NPR3: variants seen among roughly 807,000 people sequenced by gnomAD.
NPR3 encodes natriuretic peptide receptor 3, also known as atrial natriuretic peptide receptor 3.
Under a neutral mutation model 54.5 loss-of-function variants are expected in NPR3, and 34 were observed. The ratio of observed to expected loss-of-function variants is 0.62; its 90% confidence interval spans 0.47 to 0.83. The LOEUF (loss-of-function observed/expected upper bound fraction) is 0.83. Ranked by LOEUF, NPR3 falls within the 40% of genes least tolerant of loss-of-function variation. The probability of loss-of-function intolerance (pLI) is 0.00; values close to 1 mark genes in which losing one functional copy is unlikely to be tolerated. For missense variants in NPR3, 674 were observed against 720.8 expected (o/e 0.94, Z 0.74); for synonymous variants, 289 against 297.1 (o/e 0.97, Z 0.28).
At chr5:32,716,288 C>G (rs1264202816) in intron 1 of NPR3, 2 of 395,322 alleles carry the variant, frequency 5.1e-6, no homozygotes, top group African/African-American at 2.1e-5. Flanking sequence ...GTTCCTGTCT[C>G]CTACTCTCCA....
Position 32,724,134 on chromosome 5 carries a change from A to T in NPR3, c.770-564A>T, listed in dbSNP as rs73067059. 7.7e-3 allele frequency among the ~76,000 whole-genome samples: 1,179 copies of T among 152,346 alleles called. 12 individuals are homozygous for T. The highest frequency in any genetic ancestry group is 0.027 in the African/African-American group (1,129 of 41,578). On this transcript the variant is annotated intron_variant, in intron 1 of 7. Coordinates refer to ENST00000265074, the MANE Select transcript of NPR3 (RefSeq NM_001204375.2). Reference sequence around the variant, plus strand: ...ACTTTAACACAAACAGAATTCTATTATCTAGTGTATGGAACTTGTTCAAAT... The same window carrying T: ...ACTTTAACACAAACAGAATTCTATTTTCTAGTGTATGGAACTTGTTCAAAT...
chr5:32,745,374 T>C (rs966148040), intron 3 of NPR3, among the ~76,000 whole-genome samples: 2 of 152,176 alleles, frequency 1.3e-5, no homozygotes, highest in African/African-American at 2.4e-5. Context: ...GTGGTTTCTA[T>C]TGGGTTGCCC....
intron 3 of NPR3, among the ~76,000 whole-genome samples, chr5:32,771,090 G>T (rs373090762): frequency 6.6e-6 from 1 of 150,764 alleles, no homozygotes; most frequent in East Asian, 1.9e-4. Flanking sequence ...TAATTTGCAC[G>T]TCGAATTTTC....
chr5:32,778,354 T>C (rs967506985), intron 4 of NPR3, among the ~76,000 whole-genome samples: 4 of 152,064 alleles, frequency 2.6e-5, no homozygotes, highest in African/African-American at 9.7e-5. Context: ...CCTAAAAAGG[T>C]CTCTAAGGTA....
intron 3 of NPR3, among the ~76,000 whole-genome samples, chr5:32,752,362 C>T (rs536641038): frequency 6.6e-6 from 1 of 152,272 alleles, no homozygotes; most frequent in South Asian, 2.1e-4. Flanking sequence ...CACTTCCTGC[C>T]CTCTTGCCTT....
At chr5:32,736,230 C>CAAAAAAAAAAAAAA (rs56211529) in intron 2 of NPR3, among the ~76,000 whole-genome samples, 7 of 65,382 alleles carry the variant, frequency 1.1e-4, no homozygotes, top group Middle Eastern at 7.1e-3. Flanking sequence ...CACTCTGTCT[C>CAAAAAAAAAAAAAA]AAAAAAAAAA....
intron 1 of NPR3, among the ~76,000 whole-genome samples, chr5:32,721,177 A>G (rs1738838918): frequency 6.6e-6 from 1 of 152,218 alleles, no homozygotes. Context: ...GATAATGTGC[A>G]TTATGTGTTT....
At chr5:32,704,036 C>T (rs1348116203) in intron 1 of NPR3, among the ~76,000 whole-genome samples, 1 of 152,248 alleles carries the variant, frequency 6.6e-6, no homozygotes, top group Non-Finnish European at 1.5e-5. Context: ...GTTCCAACCA[C>T]TAGGATGGAT....
At chr5:32,711,037 G>T (rs1427587471), upstream of NPR3, among the ~76,000 whole-genome samples, 1 of 152,100 alleles carries the variant, frequency 6.6e-6, no homozygotes, top group Non-Finnish European at 1.5e-5. Context: ...CGTGGTGGGG[G>T]CTCTTGCCGG....
intron 2 of NPR3, among the ~76,000 whole-genome samples, chr5:32,737,652 T>G (rs995565960): frequency 1.3e-5 from 2 of 152,166 alleles, no homozygotes; most frequent in African/African-American, 2.4e-5. Flanking sequence ...AATAGCTCAT[T>G]GTCAAAAGTT....
intron 2 of NPR3, among the ~76,000 whole-genome samples, chr5:32,727,150 A>G (rs1187395756): frequency 6.6e-6 from 1 of 152,198 alleles, no homozygotes. Context: ...TTTTTGAGAC[A>G]GGATCTCACC....
chr5:32,712,244 G>C lies in NPR3; in HGVS notation c.468G>C (p.Ser156=). The change falls in exon 1 of 8, where the codon TCG becomes TCC. Residue 156 remains serine (S), a synonymous_variant. Coordinates refer to ENST00000265074, the MANE Select transcript of NPR3 (RefSeq NM_001204375.2). ...CGCACTGGGACCTGCCCATGCTGTC[G>C]GCTGGGGCGCTGGCCGCTGGCTTCC... The part of the protein sequence containing the change: ...LASHWDLPML[S]AGALAAGFQH... The C allele has an allele frequency of 1.9e-6, 3 of 1,612,650 alleles. No individual in the cohort carries two copies. The highest frequency in any genetic ancestry group is 2.5e-6 in the Non-Finnish European group (3 of 1,179,606).
At chr5:32,776,855 G>A (rs897258588) in intron 4 of NPR3, among the ~76,000 whole-genome samples, 4 of 152,150 alleles carry the variant, frequency 2.6e-5, no homozygotes, top group Non-Finnish European at 5.9e-5. Context: ...GCTAGAAAAT[G>A]CCAGGCAAGG....
chr5:32,700,534 T>C (rs1185043911), intron 1 of NPR3, among the ~76,000 whole-genome samples: 2 of 152,130 alleles, frequency 1.3e-5, no homozygotes, highest in African/African-American at 4.8e-5. Flanking sequence ...CTCCTAATGC[T>C]ATCCCTTCCC....
intron 2 of NPR3, among the ~76,000 whole-genome samples, chr5:32,729,027 T>G (rs1484318018): frequency 1.9e-4 from 18 of 96,380 alleles, no homozygotes; most frequent in East Asian, 5.7e-4. Flanking sequence ...TTTTTTTTTT[T>G]TTGTTTTGTT....
At chr5:32,707,873 G>C (rs1738037958), upstream of NPR3, among the ~76,000 whole-genome samples, 1 of 151,946 alleles carries the variant, frequency 6.6e-6, no homozygotes, top group Admixed American at 6.6e-5. Context: ...TGTCTTTCCT[G>C]GTAGTGAGAA....
At position 32,756,162 on chromosome 5, in the gene NPR3, T is replaced by C. The variant is rs188640408; in HGVS notation, c.1059+17132T>C. Among the ~76,000 whole-genome samples, 93 of 152,346 alleles carry C rather than the reference T, an allele frequency of 6.1e-4. 1 individual carries two copies. Among genetic ancestry groups the C allele is most frequent in the African/African-American group, 2.1e-3 (87 of 41,580 alleles). Reference sequence around the variant, plus strand: ...AAATGGTATTTCTAGTTCTAGATCCTTGAGGAATCACTAAACTGTCTTCCA... The same window carrying C: ...AAATGGTATTTCTAGTTCTAGATCCCTGAGGAATCACTAAACTGTCTTCCA... On this transcript the variant is annotated intron_variant, in intron 3 of 7. Transcript: ENST00000265074.
intron 1 of NPR3, among the ~76,000 whole-genome samples, chr5:32,715,754 G>A (rs958603037): frequency 9.9e-5 from 15 of 152,056 alleles, no homozygotes; most frequent in African/African-American, 7.2e-5. Context: ...TTGTTTTGTC[G>A]ATGCACTTTA....
chr5:32,728,833 G>GTATATA (rs1299474754), intron 2 of NPR3, among the ~76,000 whole-genome samples: 90 of 64,016 alleles, frequency 1.4e-3, no homozygotes, highest in South Asian at 4.1e-3. Flanking sequence ...GTGTGTGTGT[G>GTATATA]TGTGTATATA....
Sources: allele counts gnomAD v4.1 joint callset (sites outside exome capture counted in the v4.1 genomes callset), GRCh38; gene constraint gnomAD v4.1.1; transcripts MANE v1.5; gene names NCBI Gene and HGNC (gene_info 2026-07-23, HGNC 2026-07-21).